Variants in GCFC2 observed in about 807,000 individuals in gnomAD.
GCFC2 encodes intron Large complex component GCFC2.
A neutral mutation model predicts 99.4 loss-of-function variants in GCFC2; 102 were observed. That is an observed-to-expected ratio of 1.03 (90% confidence interval 0.87 to 1.21). The LOEUF (loss-of-function observed/expected upper bound fraction) is 1.21, where lower values mean the gene tolerates loss of function less well. Among genes scored for constraint, GCFC2 ranks in the 50% most tolerant of loss-of-function variants. The pLI is 0.00. For missense variants in GCFC2, 973 were observed against 920.9 expected, an observed-to-expected ratio of 1.06 and a Z score of -0.73; for synonymous variants, 338 against 316.8, an observed-to-expected ratio of 1.07 and a Z score of -0.71.
chr2:75,686,170 T>C (rs112464679), intron 11 of GCFC2, among the ~76,000 whole-genome samples: 1 of 152,200 alleles, frequency 6.6e-6, no homozygotes, highest in Admixed American at 6.5e-5. Flanking sequence ...ATTAGTAGAG[T>C]TAGTTAAAAA....
intron 12 of GCFC2, among the ~76,000 whole-genome samples, chr2:75,676,770 C>T (rs1166866525): frequency 1.3e-5 from 2 of 152,140 alleles, no homozygotes; most frequent in Non-Finnish European, 2.9e-5. Context: ...AATTTTTAAA[C>T]GCATGGGTGG....
rs771446046 is a variant in GCFC2, at chr2:75,665,969, A to G, written c.2188T>C (p.Leu730=). The G allele has an allele frequency of 2.0e-5, 32 of 1,601,518 alleles. No homozygotes were observed. The South Asian group carries it at 3.3e-4, about 17-fold the overall frequency. Residue 730 remains leucine (L), a synonymous_variant, in exon 16 of 17, where the codon TTA becomes CTA. Transcript: ENST00000321027. ...GATAATTTATGTGCAGACTGCAATAAAAACTGAATGAAGTTTTCTAGCTGT... is the reference window on the plus strand; with the variant it reads ...GATAATTTATGTGCAGACTGCAATAGAAACTGAATGAAGTTTTCTAGCTGT... The part of the protein sequence containing the change: ...IPQLENFIQF[L]LQSAHKLSRS...
upstream of GCFC2, among the ~76,000 whole-genome samples, chr2:75,712,670 C>T (rs1368080414): frequency 6.6e-6 from 1 of 152,138 alleles, no homozygotes; most frequent in Non-Finnish European, 1.5e-5. Context: ...CTTTTATGAG[C>T]TGTAACACTC....
rs1400307890 is a variant in GCFC2 at position 75,664,304 on chromosome 2, G to C, written c.*362C>G. The C allele has an allele frequency of 6.5e-6, 1 of 154,700 alleles. No individual in the cohort carries two copies. The highest frequency in any genetic ancestry group is 1.4e-5 in the Non-Finnish European group (1 of 69,804). The allele number at this position is 154,700 out of a possible 1,614,324, so 9.6% of individuals were successfully genotyped here. ...TAAAGGTAGTTAAAGAGAACTAAAA[G>C]ATATTATTGTGGTTCAGGACAGAAG... is the stretch of plus-strand genomic sequence containing the variant. On this transcript the variant is annotated 3_prime_UTR_variant, in exon 17 of 17. Coordinates refer to ENST00000321027, the MANE Select transcript of GCFC2 (RefSeq NM_003203.5).
chr2:75,689,537 TTGTC>T (rs1238108645), intron 9 of GCFC2, among the ~76,000 whole-genome samples: 1 of 152,094 alleles, frequency 6.6e-6, no homozygotes, highest in East Asian at 1.9e-4. Flanking sequence ...GTCAAAAAAT[TTGTC>T]TAAGATTACA....
chr2:75,697,526 C>G (rs557638526), intron 4 of GCFC2: 1 of 152,360 alleles, frequency 6.6e-6, no homozygotes, highest in South Asian at 2.1e-4. Flanking sequence ...CCTCAGGACC[C>G]TGCACAGAGT....
intron 11 of GCFC2, among the ~76,000 whole-genome samples, chr2:75,680,946 C>G (rs542240246): frequency 6.6e-6 from 1 of 152,268 alleles, no homozygotes; most frequent in East Asian, 1.9e-4. Flanking sequence ...ACCCACACTC[C>G]CACCACTTCA....
At chr2:75,702,085 A>C (rs575085109) in intron 3 of GCFC2, 114 bp downstream of exon 3, 1 of 1,473,206 alleles carries the variant, frequency 6.8e-7, no homozygotes, top group Non-Finnish European at 8.9e-7. Context: ...GATGTTAAAA[A>C]CCATTATCAA....
chr2:75,711,204 A>G (rs1681169459), upstream of GCFC2: 1 of 985,248 alleles, frequency 1.0e-6, no homozygotes, highest in Non-Finnish European at 1.2e-6. Flanking sequence ...ATCAAGCGTT[A>G]TGCTTTCCGT....
chr2:75,667,709 AATGATCC>A (rs1678907807), intron 15 of GCFC2, among the ~76,000 whole-genome samples: 1 of 152,182 alleles, frequency 6.6e-6, no homozygotes, highest in Non-Finnish European at 1.5e-5. Context: ...CTTTTGCGTT[AATGATCC>A]CAGCACTAAA....
chr2:75,688,022 T>C, intron 10 of GCFC2, 45 bp from the exon 11 acceptor site: 2 of 1,175,402 alleles, frequency 1.7e-6, no homozygotes, highest in Non-Finnish European at 2.4e-6. Flanking sequence ...CTTTCAACAT[T>C]AGTGTATTTT....
At chr2:75,675,785 A>G (rs1679310070) in intron 12 of GCFC2, among the ~76,000 whole-genome samples, 1 of 151,854 alleles carries the variant, frequency 6.6e-6, no homozygotes, top group Non-Finnish European at 1.5e-5. Context: ...AACCTCCCAT[A>G]AATTCACATA....
chr2:75,697,158 TG>T, intron 4 of GCFC2, among the ~76,000 whole-genome samples: 1 of 152,356 alleles, frequency 6.6e-6, no homozygotes. Context: ...TAACATGGTA[TG>T]TTTCACATTA....
At position 75,673,476 on chromosome 2, in the gene GCFC2, T is replaced by A. The variant is rs1679213586; in HGVS notation, c.1857A>T (p.Glu619Asp). The A allele has an allele frequency of 7.0e-7, 1 of 1,435,482 alleles. No individual in the cohort carries two copies. Among genetic ancestry groups the A allele is most frequent in the Non-Finnish European group, 9.8e-7 (1 of 1,017,450 alleles). The allele number at this position is 1,435,482 out of a possible 1,614,324, so 88.9% of individuals were successfully genotyped here. A position where few individuals can be genotyped will look rare whatever the true frequency, so the allele number is the denominator to read the frequency against. The change falls in exon 13 of 17, where the codon GAA (glutamate) becomes GAT (aspartate). Residue 619 changes from glutamate (E) to aspartate (D), a missense_variant. Glu to Asp is a conservative substitution (Grantham distance 45, BLOSUM62 2). Transcript: ENST00000321027. ...SIVSRMKKAV[E>D]DDVFIPLYPK... ...GATACAGAGGAATAAAAACATCATC[T>A]TCTACTGCCTTTTTCATTCTTGAAA...
chr2:75,690,814 A>G (rs1680033912), intron 7 of GCFC2, 95 bp from the exon 8 acceptor site: 1 of 668,560 alleles, frequency 1.5e-6, no homozygotes, highest in Non-Finnish European at 2.6e-6. Context: ...ATGTATAAAC[A>G]TATGCATATG....
At position 75,662,944 on chromosome 2, in the gene GCFC2, A is replaced by C. The variant is rs1377932092; in HGVS notation, c.*1722T>G. On this transcript the variant is annotated 3_prime_UTR_variant, in exon 17 of 17. Coordinates refer to ENST00000321027, the MANE Select transcript of GCFC2 (RefSeq NM_003203.5). ...AACCCAAAACTATGTACACATAGAAACACGTAACATTTTTGTAAATAGAGA... is the reference window on the plus strand; with the variant it reads ...AACCCAAAACTATGTACACATAGAACCACGTAACATTTTTGTAAATAGAGA... 6.6e-6 allele frequency: 1 copy of C among 151,958 alleles called. No individual in the cohort carries two copies. The highest frequency in any genetic ancestry group is 1.5e-5 in the Non-Finnish European group (1 of 67,956). 9.4% of individuals were successfully genotyped at this position (151,958 alleles called of 1,614,324 possible).
chr2:75,688,498 A>G (rs1175891143), intron 10 of GCFC2, among the ~76,000 whole-genome samples: 5 of 152,148 alleles, frequency 3.3e-5, no homozygotes, highest in Admixed American at 2.6e-4. Flanking sequence ...TTCAGTGAAC[A>G]GAGTTTATAT....
intron 1 of GCFC2, among the ~76,000 whole-genome samples, 197 bp from the exon 2 acceptor site, chr2:75,706,848 T>G (rs1011069202): frequency 1.2e-4 from 18 of 152,122 alleles, no homozygotes; most frequent in African/African-American, 4.3e-4. Context: ...AAGACCCTAT[T>G]TGTATTATCT....
Position 75,662,992 on chromosome 2 carries a change from A to C in GCFC2, c.*1674T>G, listed in dbSNP as rs771822150. On this transcript the variant is annotated 3_prime_UTR_variant, in exon 17 of 17. Coordinates refer to ENST00000321027, the MANE Select transcript of GCFC2 (RefSeq NM_003203.5). ...AGAAAAGGTCTAAAAGGATAACATT[A>C]AAATGAAAACAGCAGTTATCTCTGG... is the stretch of plus-strand genomic sequence containing the variant. 3.2e-4 allele frequency: 49 copies of C among 152,134 alleles called. 2 individuals carry two copies. The highest frequency in any genetic ancestry group is 7.7e-4 in the East Asian group (4 of 5,180). 9.4% of individuals were successfully genotyped at this position (152,134 alleles called of 1,614,324 possible).
Sources: gnomAD v4.1 joint callset for allele counts (sites outside exome capture counted in the v4.1 genomes callset) on GRCh38, gnomAD v4.1.1 for gene constraint, MANE v1.5 for transcripts, NCBI Gene and HGNC (gene_info 2026-07-23, HGNC 2026-07-21) for gene names.